RELN: variants seen among roughly 807,000 people sequenced by gnomAD.
RELN encodes reelin.
RELN carries 108 observed loss-of-function variants against 427.6 expected under a neutral mutation model. The observed-to-expected ratio is 0.25, with a 90% confidence interval of 0.22 to 0.30. The LOEUF is 0.30. RELN is among the 10% of genes least tolerant of loss of function. The pLI is 1.00. For synonymous variants in RELN, 1,524 were observed against 1,513.4 expected (o/e 1.01, Z -0.16); for missense variants, 3,715 against 4,302.8 (o/e 0.86, Z 3.82).
At position 103,515,295 on chromosome 7, in the gene RELN, A is replaced by T. The variant is rs550287694; in HGVS notation, c.8009T>A (p.Met2670Lys). 6.2e-7 allele frequency: 1 copy of T among 1,614,206 alleles called. No individual in the cohort carries two copies. The highest frequency in any genetic ancestry group is 1.3e-5 in the African/African-American group (1 of 75,066). The change falls in exon 50 of 65, where the codon ATG becomes AAG. Residue 2670 changes from methionine (M) to lysine (K), a missense_variant. This residue lies in a region of RELN where 1,310 missense variants were observed against 1,643.0 expected (regional missense o/e 0.80). Transcript: ENST00000428762. Reference protein sequence around the residue: ...ISGSADQRTVMLDTFSSAPVP... With the variant: ...ISGSADQRTVKLDTFSSAPVP... ...TGGGGCGCTGCTGAAGGTGTCCAGC[A>T]TAACGGTCCTTTGGTCAGCAGAGCC...
At chr7:103,533,746 G>A (rs2535759) in intron 46 of RELN, among the ~76,000 whole-genome samples, 25,722 of 152,002 alleles carry the variant, frequency 0.17, 3,624 homozygotes, top group African/African-American at 0.38. Context: ...ATTAAAAGAT[G>A]AGAAATAATT....
Position 103,842,109 on chromosome 7 carries a change from T to G in RELN, c.338-8437A>C, listed in dbSNP as rs192104793. The stretch of plus-strand genomic sequence containing the variant: ...TTCACAAAGCTTGGTACGATATTTT[T>G]TCAGGAAGTTTAGCAAAGTTATCAC... On this transcript the variant is annotated intron_variant, in intron 2 of 64. Coordinates refer to ENST00000428762, the MANE Select transcript of RELN (RefSeq NM_005045.4). 1.7e-3 allele frequency among the ~76,000 whole-genome samples: 252 copies of G among 152,316 alleles called. 1 individual carries two copies. Among genetic ancestry groups the G allele is most frequent in the African/African-American group, 5.9e-3 (244 of 41,582 alleles).
intron 4 of RELN, among the ~76,000 whole-genome samples, chr7:103,774,243 G>T (rs1791679779): frequency 6.7e-6 from 1 of 148,748 alleles, no homozygotes; most frequent in Admixed American, 6.8e-5. Context: ...GTTGTGGTTA[G>T]CCGAGATTAC....
chr7:103,916,111 C>A (rs1303263633), intron 2 of RELN, among the ~76,000 whole-genome samples: 1 of 152,040 alleles, frequency 6.6e-6, no homozygotes, highest in Non-Finnish European at 1.5e-5. Context: ...GGGCTGTGGA[C>A]CTCATCTTGG....
chr7:103,510,409 T>A (rs892155564), intron 51 of RELN, among the ~76,000 whole-genome samples: 7 of 152,190 alleles, frequency 4.6e-5, no homozygotes, highest in South Asian at 4.1e-4. Flanking sequence ...ACACCACATG[T>A]TCTCACTCAT....
Position 103,989,452 on chromosome 7 carries a change from C to A in RELN, c.-96G>T. 1.8e-6 allele frequency: 2 copies of A among 1,105,916 alleles called. No homozygotes were observed. Among genetic ancestry groups the A allele is most frequent in the South Asian group, 2.3e-5 (1 of 43,310 alleles). 68.5% of individuals were successfully genotyped at this position (1,105,916 alleles called of 1,614,324 possible). A position where few individuals can be genotyped will look rare whatever the true frequency, so the allele number is the denominator to read the frequency against. ...ACGGAGGAGCCACGCGGAGAGAAGGCGAGAAGAAGGCGGACGGGAGCGGAA... is the reference window on the plus strand; with the variant it reads ...ACGGAGGAGCCACGCGGAGAGAAGGAGAGAAGAAGGCGGACGGGAGCGGAA... On this transcript the variant is annotated 5_prime_UTR_variant, in exon 1 of 65. Coordinates refer to ENST00000428762, the MANE Select transcript of RELN (RefSeq NM_005045.4). The surrounding 1 kb of genome is among the most constrained non-coding windows in gnomAD (Gnocchi z 4.9).
intron 1 of RELN, among the ~76,000 whole-genome samples, chr7:103,954,310 T>C (rs1055040555): frequency 6.6e-6 from 1 of 152,124 alleles, no homozygotes; most frequent in Non-Finnish European, 1.5e-5. Context: ...CATATCCTGC[T>C]TCTGTCTTTT....
At chr7:103,698,289 G>C (rs934458621) in intron 9 of RELN, among the ~76,000 whole-genome samples, 196 bp from the exon 10 acceptor site, 1 of 152,206 alleles carries the variant, frequency 6.6e-6, no homozygotes, top group Non-Finnish European at 1.5e-5. Context: ...AATGATGACA[G>C]TTCAAGTATT....
At chr7:103,604,526 C>T in intron 22 of RELN, 43 bp from the exon 23 acceptor site, 2 of 1,609,258 alleles carry the variant, frequency 1.2e-6, no homozygotes, top group Admixed American at 1.7e-5. Flanking sequence ...TTCAACCTTT[C>T]AGCAGTGACA....
chr7:103,551,923 CTGTGTGTGTGTGTGGGTG>C lies in RELN; in HGVS notation c.6073-645_6073-628del, dbSNP rs1286081756. ...ATCTATCACCTTCCATAGTTACCTTCTGTGTGTGTGTGTGGGTGTGTGTGTGTGTGTGTGTGGTAAGAG... is the reference window on the plus strand; with the variant it reads ...ATCTATCACCTTCCATAGTTACCTTCTGTGTGTGTGTGTGTGTGGTAAGAG... On this transcript the variant is annotated intron_variant, in intron 40 of 64. Transcript: ENST00000428762. Among the ~76,000 whole-genome samples, 4 of 130,958 alleles carry C rather than the reference CTGTGTGTGTGTGTGGGTG, an allele frequency of 3.1e-5. No homozygotes were observed. The East Asian group carries it at 9.0e-4, about 30-fold the overall frequency. The allele number at this position is 130,958 out of a possible 152,430, so 85.9% of individuals were successfully genotyped here. A position where few individuals can be genotyped will look rare whatever the true frequency, so the allele number is the denominator to read the frequency against.
chr7:103,534,458 G>A (rs1046783232), intron 46 of RELN, among the ~76,000 whole-genome samples: 1 of 151,290 alleles, frequency 6.6e-6, no homozygotes, highest in African/African-American at 2.4e-5. Flanking sequence ...TTCTTTATCA[G>A]AATTTACTAG....
intron 2 of RELN, among the ~76,000 whole-genome samples, chr7:103,858,812 A>T (rs1261411269): frequency 2.0e-5 from 3 of 152,192 alleles, no homozygotes; most frequent in African/African-American, 7.2e-5. Context: ...GGACAATGTG[A>T]TACAAATTTT....
rs748363492 is a variant in RELN at position 103,561,840 on chromosome 7, C to T, written c.5324G>A (p.Arg1775Gln). The change falls in exon 35 of 65, where the codon CGA becomes CAA. Residue 1775 changes from arginine to glutamine, a missense_variant. Coordinates refer to ENST00000428762, the MANE Select transcript of RELN (RefSeq NM_005045.4). Reference protein sequence around the residue: ...ASGCPWMCSGRGICDAGRCVC... With the variant: ...ASGCPWMCSGQGICDAGRCVC... ...ACAGCGTCCAGCATCACAAATCCCT[C>T]GTCCTGAGCACATCCAAGGGCACCC... is the stretch of plus-strand genomic sequence containing the variant. 48 of 1,613,726 alleles carry T rather than the reference C, an allele frequency of 3.0e-5. No individual in the cohort carries two copies. Among genetic ancestry groups the T allele is most frequent in the East Asian group, 4.5e-5 (2 of 44,882 alleles).
intron 36 of RELN, 111 bp from the exon 37 acceptor site, chr7:103,558,160 T>C: frequency 3.0e-6 from 2 of 662,498 alleles, no homozygotes; most frequent in Non-Finnish European, 5.6e-6. Flanking sequence ...CATATCATGA[T>C]CAAGAAGCAA....
At chr7:103,933,373 G>A (rs1584379950) in intron 1 of RELN, among the ~76,000 whole-genome samples, 1 of 151,892 alleles carries the variant, frequency 6.6e-6, no homozygotes, top group South Asian at 2.1e-4. Context: ...AACATGAGAG[G>A]GCACTAAAGT....
At chr7:103,955,109 T>C (rs1248826465) in intron 1 of RELN, among the ~76,000 whole-genome samples, 1 of 152,326 alleles carries the variant, frequency 6.6e-6, no homozygotes, top group African/African-American at 2.4e-5. Flanking sequence ...GAACTACTTA[T>C]ATTTTTCAAA....
At chr7:103,816,464 A>G (rs1792871806) in intron 3 of RELN, among the ~76,000 whole-genome samples, 1 of 152,068 alleles carries the variant, frequency 6.6e-6, no homozygotes, top group Non-Finnish European at 1.5e-5. Flanking sequence ...ATCAATATGC[A>G]CACAGTATCT....
At chr7:103,954,066 A>ATG (rs1796384912) in intron 1 of RELN, among the ~76,000 whole-genome samples, 1 of 152,142 alleles carries the variant, frequency 6.6e-6, no homozygotes, top group East Asian at 1.9e-4. Context: ...CCTGGCCAAC[A>ATG]GAGCAAAACC....
At chr7:103,674,416 A>G (rs910634150) in intron 11 of RELN, among the ~76,000 whole-genome samples, 4 of 149,952 alleles carry the variant, frequency 2.7e-5, no homozygotes, top group Non-Finnish European at 5.9e-5. Flanking sequence ...TTTTTTTCCC[A>G]TGGAGGTGGT....
Sources: gnomAD v4.1 joint callset for allele counts (sites outside exome capture counted in the v4.1 genomes callset) on GRCh38, gnomAD v4.1.1 for gene constraint, gnomAD v4.1.1 regional missense constraint, Gnocchi (gnomAD v3.1) non-coding constraint, MANE v1.5 for transcripts, NCBI Gene and HGNC (gene_info 2026-07-23, HGNC 2026-07-21) for gene names.